NCALD: variants seen among roughly 807,000 people sequenced by gnomAD.
NCALD encodes the protein neurocalcin delta, also known as neurocalcin-delta.
In NCALD, 10 loss-of-function variants were observed where a neutral mutation model predicts 18.6. The ratio of observed to expected loss-of-function variants is 0.54; its 90% CI spans 0.33 to 0.91. The LOEUF (loss-of-function observed/expected upper bound fraction) is 0.91, where lower values mean the gene tolerates loss of function less well. Among genes scored for constraint, NCALD ranks in the 40% least tolerant of loss-of-function variants. The pLI is 0.03. For missense variants in NCALD, 184 were observed against 247.6 expected, an observed-to-expected ratio of 0.74 and a Z score of 1.72; for synonymous variants, 88 against 87.4, an observed-to-expected ratio of 1.01 and a Z score of -0.04.
In NCALD at chr8:101,729,238, A is replaced by G. The variant is rs577046950; in HGVS notation, c.-19-9590T>C. On this transcript the variant is annotated intron_variant, in intron 1 of 3. Coordinates refer to ENST00000220931, the MANE Select transcript of NCALD (RefSeq NM_032041.3). Reference sequence around the variant, plus strand: ...GACTATACATACAAACTTCATATTTATATATAACAGGCAAATTAGGAAATA... The same window carrying G: ...GACTATACATACAAACTTCATATTTGTATATAACAGGCAAATTAGGAAATA... Among the ~76,000 whole-genome samples, 3 of 152,362 alleles carry G rather than the reference A, an allele frequency of 2.0e-5. No homozygotes were observed. The South Asian group carries it at 6.2e-4, about 32-fold the overall frequency.
rs374048537 is a variant in NCALD, at chr8:101,954,745, GTAAA to G, written c.-156-38891_-156-38888del. On this transcript the variant is annotated intron_variant, in intron 2 of 6. Transcript: ENST00000311028. ...AAACTGACTCGCCATTCCTGGCAGT[GTAAA>G]TAGACTAGTAGACTATAACTTATGC... Among the ~76,000 whole-genome samples, 24 of 152,342 alleles carry G rather than the reference GTAAA, an allele frequency of 1.6e-4. No individual in the cohort carries two copies. The East Asian group carries it at 3.5e-3, about 22-fold the overall frequency.
At chr8:102,005,683 A>T (rs1390024276) in intron 2 of NCALD, among the ~76,000 whole-genome samples, 2 of 152,202 alleles carry the variant, frequency 1.3e-5, no homozygotes, top group African/African-American at 4.8e-5. Context: ...TACACCATGG[A>T]ATACTATGCC....
At chr8:102,014,421 CTT>C (rs1479830419) in intron 2 of NCALD, among the ~76,000 whole-genome samples, 1 of 152,128 alleles carries the variant, frequency 6.6e-6, no homozygotes, top group African/African-American at 2.4e-5. Context: ...AAAACCATCT[CTT>C]TGGGGGTTGG....
rs376583878 is a variant in NCALD, at chr8:102,013,279, G to T, written c.-157+6958C>A. ...GCTCATATTTTTCTTTTCCATGAAAGAAGATCTCAGCAATCAAAGTAATAG... is the reference window on the plus strand; with the variant it reads ...GCTCATATTTTTCTTTTCCATGAAATAAGATCTCAGCAATCAAAGTAATAG... On this transcript the variant is annotated intron_variant, in intron 2 of 6. Coordinates refer to the NCALD transcript ENST00000311028. Among the ~76,000 whole-genome samples the T allele has an allele frequency of 7.2e-5, 11 of 152,132 alleles. No homozygotes were observed. In the East Asian group the frequency reaches 9.6e-4, roughly 13 times the overall value.
At chr8:101,966,742 A>G (rs1256809194) in intron 2 of NCALD, among the ~76,000 whole-genome samples, 2 of 152,184 alleles carry the variant, frequency 1.3e-5, no homozygotes, top group Non-Finnish European at 2.9e-5. Flanking sequence ...AAACTTTCAT[A>G]TTCAGGAGTC....
At chr8:102,086,857 A>T (rs566841681) in intron 1 of NCALD, among the ~76,000 whole-genome samples, 1 of 152,196 alleles carries the variant, frequency 6.6e-6, no homozygotes, top group Non-Finnish European at 1.5e-5. Context: ...GGTTGCAGTA[A>T]AGAAAAGCCA....
At chr8:101,735,719 G>T (rs1380301224) in intron 1 of NCALD, among the ~76,000 whole-genome samples, 1 of 152,178 alleles carries the variant, frequency 6.6e-6, no homozygotes, top group African/African-American at 2.4e-5. Flanking sequence ...CCCTCCTTCA[G>T]ATTCCTTTGT....
intron 2 of NCALD, among the ~76,000 whole-genome samples, chr8:102,003,382 T>C (rs1429460520): frequency 6.6e-6 from 1 of 152,194 alleles, no homozygotes; most frequent in Non-Finnish European, 1.5e-5. Context: ...ATTGAGGCAA[T>C]AATTAATAGC....
At chr8:101,921,369 CTTT>C (rs1329637229) in intron 2 of NCALD, among the ~76,000 whole-genome samples, 2 of 151,370 alleles carry the variant, frequency 1.3e-5, no homozygotes, top group Non-Finnish European at 2.9e-5. Flanking sequence ...TTCTAAAATC[CTTT>C]TTTATTAAAA....
chr8:101,897,243 A>G (rs1454884131), intron 3 of NCALD, among the ~76,000 whole-genome samples: 1 of 148,508 alleles, frequency 6.7e-6, no homozygotes, highest in Non-Finnish European at 1.5e-5. Flanking sequence ...GGAAATCATC[A>G]TTCTCAGTAA....
intron 4 of NCALD, among the ~76,000 whole-genome samples, chr8:101,829,764 T>G (rs1277912181): frequency 1.3e-5 from 2 of 152,220 alleles, no homozygotes; most frequent in African/African-American, 4.8e-5. Flanking sequence ...AAGTATGCTT[T>G]CATACAACTA....
At chr8:101,773,861 C>T (rs760506197) in intron 1 of NCALD, among the ~76,000 whole-genome samples, 12 of 152,184 alleles carry the variant, frequency 7.9e-5, no homozygotes, top group East Asian at 3.8e-4. Context: ...ATCATGGACA[C>T]GACTCTGATT....
At chr8:102,033,876 C>T (rs912799131) in intron 1 of NCALD, among the ~76,000 whole-genome samples, 4 of 152,046 alleles carry the variant, frequency 2.6e-5, no homozygotes, top group Non-Finnish European at 4.4e-5. Context: ...GAAAAAGAAT[C>T]CTCACCAACC....
chr8:102,116,803 T>C (rs903265184), intron 1 of NCALD, among the ~76,000 whole-genome samples: 1 of 152,268 alleles, frequency 6.6e-6, no homozygotes, highest in Admixed American at 6.5e-5. Context: ...CCACTGGGCC[T>C]GGCCATAACC....
At chr8:101,863,373 C>T (rs757031186) in intron 4 of NCALD, among the ~76,000 whole-genome samples, 25 of 152,302 alleles carry the variant, frequency 1.6e-4, no homozygotes, top group Admixed American at 3.9e-4. Flanking sequence ...TGGCCTCTGC[C>T]AAAGTCTTGC....
At chr8:101,890,686 C>T (rs1342440010) in intron 3 of NCALD, among the ~76,000 whole-genome samples, 1 of 152,304 alleles carries the variant, frequency 6.6e-6, no homozygotes, top group East Asian at 1.9e-4. Context: ...CTTCACGAGA[C>T]ATTAAACTTC....
At chr8:101,818,228 C>A (rs554755130) in intron 4 of NCALD, among the ~76,000 whole-genome samples, 24 of 152,288 alleles carry the variant, frequency 1.6e-4, no homozygotes, top group South Asian at 1.2e-3. Context: ...CTCTTCTAAT[C>A]TTTAATTTGA....
At chr8:101,728,932 G>A (rs79995487) in intron 1 of NCALD, among the ~76,000 whole-genome samples, 2,403 of 152,336 alleles carry the variant, frequency 0.016, 58 homozygotes, top group African/African-American at 0.055. Context: ...CCAATGGAAT[G>A]TCTAGATTGT....
intron 2 of NCALD, among the ~76,000 whole-genome samples, chr8:101,711,101 C>T (rs1464177668): frequency 6.6e-6 from 1 of 152,164 alleles, no homozygotes; most frequent in East Asian, 1.9e-4. Flanking sequence ...TCTGCAGCCT[C>T]TGCTGGTGAT....
Sources: gnomAD v4.1 joint callset for allele counts (sites outside exome capture counted in the v4.1 genomes callset) on GRCh38, gnomAD v4.1.1 for gene constraint, MANE v1.5 for transcripts, NCBI Gene and HGNC (gene_info 2026-07-23, HGNC 2026-07-21) for gene names.